TMEM132C: variants seen among roughly 807,000 people sequenced by gnomAD.
The protein encoded by TMEM132C is transmembrane protein 132C.
TMEM132C carries 29 observed loss-of-function variants against 61.4 expected under a neutral mutation model. The observed-to-expected ratio is 0.47, with a 90% confidence interval of 0.35 to 0.64. The LOEUF is 0.64. Among genes scored for constraint, TMEM132C ranks in the 30% least tolerant of loss-of-function variants. The probability of loss-of-function intolerance (pLI) is 0.00; values close to 1 mark genes in which losing one functional copy is unlikely to be tolerated. For synonymous variants in TMEM132C, 656 were observed against 633.1 expected, an observed-to-expected ratio of 1.04 and a Z score of -0.54; for missense variants, 1,408 against 1,476.9, an observed-to-expected ratio of 0.95 and a Z score of 0.76.
intron 3 of TMEM132C, among the ~76,000 whole-genome samples, chr12:128,545,096 G>T (rs1245573637): frequency 1.3e-5 from 2 of 152,300 alleles, no homozygotes; most frequent in East Asian, 3.9e-4. Flanking sequence ...CACCGAATAG[G>T]TCGTTTTTCA....
intron 1 of TMEM132C, among the ~76,000 whole-genome samples, chr12:128,409,980 C>T (rs761293784): frequency 3.3e-5 from 5 of 151,960 alleles, no homozygotes; most frequent in East Asian, 1.9e-4. Flanking sequence ...AAGAATCTAA[C>T]GAATTTAGGA....
chr12:128,291,452 G>T (rs562819611), intron 1 of TMEM132C, among the ~76,000 whole-genome samples: 1 of 152,306 alleles, frequency 6.6e-6, no homozygotes, highest in South Asian at 2.1e-4. Context: ...CCTGCAGCCC[G>T]CACCAACTGT....
chr12:128,416,557 T>G (rs1231738650), intron 2 of TMEM132C, among the ~76,000 whole-genome samples: 1 of 152,250 alleles, frequency 6.6e-6, no homozygotes, highest in Non-Finnish European at 1.5e-5. Context: ...ACATTTTGAA[T>G]GAGTTGCTTG....
At chr12:128,366,250 T>C (rs975478517) in intron 1 of TMEM132C, among the ~76,000 whole-genome samples, 5 of 152,174 alleles carry the variant, frequency 3.3e-5, no homozygotes, top group African/African-American at 1.2e-4. Context: ...TTTCCTTTTT[T>C]ACCTCCCCTG....
intron 1 of TMEM132C, among the ~76,000 whole-genome samples, chr12:128,336,976 T>C (rs1043898183): frequency 6.6e-6 from 1 of 152,216 alleles, no homozygotes; most frequent in African/African-American, 2.4e-5. Context: ...TTATTTTATC[T>C]ACATTTTGGC....
chr12:128,298,943 T>A (rs1225069336), intron 1 of TMEM132C, among the ~76,000 whole-genome samples: 1 of 152,196 alleles, frequency 6.6e-6, no homozygotes, highest in Non-Finnish European at 1.5e-5. Context: ...CTCTTTTATT[T>A]GGTTGTATGT....
intron 2 of TMEM132C, among the ~76,000 whole-genome samples, chr12:128,495,520 G>A (rs537970488): frequency 5.9e-5 from 9 of 152,250 alleles, no homozygotes; most frequent in African/African-American, 1.7e-4. Flanking sequence ...CTGGGTGCTC[G>A]TGTATTGGGT....
At chr12:128,397,707 G>A (rs1875011553) in intron 1 of TMEM132C, among the ~76,000 whole-genome samples, 1 of 152,012 alleles carries the variant, frequency 6.6e-6, no homozygotes, top group Admixed American at 6.6e-5. Flanking sequence ...TTGCACTCCT[G>A]CAGCGTGGAG....
intron 2 of TMEM132C, among the ~76,000 whole-genome samples, chr12:128,429,394 G>A (rs1315380914): frequency 6.6e-6 from 1 of 152,188 alleles, no homozygotes; most frequent in Non-Finnish European, 1.5e-5. Flanking sequence ...CTAGGTAGAT[G>A]ACCACAGCCA....
intron 1 of TMEM132C, among the ~76,000 whole-genome samples, chr12:128,389,405 C>T (rs12301624): frequency 2.0e-5 from 3 of 152,258 alleles, no homozygotes; most frequent in African/African-American, 7.2e-5. Flanking sequence ...GAGCTGCTTC[C>T]GCTGGGACGG....
chr12:128,506,320 G>T (rs1298844527), intron 2 of TMEM132C, among the ~76,000 whole-genome samples: 1 of 152,168 alleles, frequency 6.6e-6, no homozygotes, highest in Non-Finnish European at 1.5e-5. Context: ...AAAACCCTAT[G>T]AACCAGAAAA....
chr12:128,483,907 A>G (rs1178869649), intron 2 of TMEM132C, among the ~76,000 whole-genome samples: 2 of 152,224 alleles, frequency 1.3e-5, no homozygotes, highest in Non-Finnish European at 1.5e-5. Flanking sequence ...CTCAAAGCTC[A>G]TCGCTTCCCA....
chr12:128,408,059 C>A (rs1875408930), intron 1 of TMEM132C, among the ~76,000 whole-genome samples: 2 of 152,040 alleles, frequency 1.3e-5, no homozygotes, highest in Admixed American at 1.3e-4. Context: ...CAAGTCAAAT[C>A]TCTCAGGAGC....
chr12:128,636,190 A>G (rs928963793), intron 4 of TMEM132C, among the ~76,000 whole-genome samples: 3 of 151,960 alleles, frequency 2.0e-5, no homozygotes, highest in Non-Finnish European at 4.4e-5. Context: ...AGCTGGAACC[A>G]CAGGCATGCA....
rs564093616 is a variant in TMEM132C, at chr12:128,700,017, A to G, written c.2121+2602A>G. Among the ~76,000 whole-genome samples, 12 of 152,344 alleles carry G rather than the reference A, an allele frequency of 7.9e-5. No homozygotes were observed. In the South Asian group the frequency reaches 2.1e-3, roughly 26 times the overall value. ...GGATTAGAAGAAAAAAGAGCAGAGG[A>G]AAGTGGGAGAGAGAAAGCTGAAAGC... On this transcript the variant is annotated intron_variant, in intron 8 of 8. Transcript: ENST00000435159.
At chr12:128,348,013 A>G (rs775471259) in intron 1 of TMEM132C, among the ~76,000 whole-genome samples, 1 of 152,334 alleles carries the variant, frequency 6.6e-6, no homozygotes, top group South Asian at 2.1e-4. Flanking sequence ...TTGCATGAAT[A>G]TGTAATCAAT....
chr12:128,446,123 G>C (rs997467764), intron 2 of TMEM132C, among the ~76,000 whole-genome samples: 1 of 152,214 alleles, frequency 6.6e-6, no homozygotes, highest in African/African-American at 2.4e-5. Context: ...CTCAGATTCA[G>C]TAAGGAGGCC....
At chr12:128,289,072 A>G (rs1026554126) in intron 1 of TMEM132C, 1 of 152,248 alleles carries the variant, frequency 6.6e-6, no homozygotes, top group East Asian at 1.9e-4. Context: ...ACTCATGAAC[A>G]CACATGCACG....
intron 3 of TMEM132C, among the ~76,000 whole-genome samples, chr12:128,606,019 G>T (rs1876411617): frequency 6.6e-6 from 1 of 152,192 alleles, no homozygotes; most frequent in African/African-American, 2.4e-5. Flanking sequence ...GCTGGCCTAG[G>T]GCCCACCATT....
Sources: gnomAD v4.1 joint callset for allele counts (sites outside exome capture counted in the v4.1 genomes callset) on GRCh38, gnomAD v4.1.1 for gene constraint, MANE v1.5 for transcripts, NCBI Gene and HGNC (gene_info 2026-07-23, HGNC 2026-07-21) for gene names.